IRAK1BP1: variants seen among roughly 807,000 people sequenced by gnomAD.
The protein encoded by IRAK1BP1 is interleukin-1 receptor-associated kinase 1-binding protein 1.
A neutral mutation model predicts 28.0 loss-of-function variants in IRAK1BP1; 24 were observed. The ratio of observed to expected loss-of-function variants is 0.86; its 90% CI spans 0.62 to 1.20. The LOEUF (loss-of-function observed/expected upper bound fraction) is 1.20. Ranked by LOEUF, IRAK1BP1 falls within the 50% of genes most tolerant of loss-of-function variation. The probability of loss-of-function intolerance (pLI) is 0.00; values close to 1 mark genes in which losing one functional copy is unlikely to be tolerated. For synonymous variants in IRAK1BP1, 131 were observed against 116.3 expected (o/e 1.13, Z -0.81); for missense variants, 336 against 316.7 (o/e 1.06, Z -0.46).
chr6:78,955,518 T>C, the IRAK1BP1 span: 1 of 565,880 alleles, frequency 1.8e-6, no homozygotes, highest in South Asian at 2.6e-5. Context: ...AGACAAAAAA[T>C]AATGTTCACA....
At chr6:78,970,982 GC>G in the IRAK1BP1 span, 67 of 748,868 alleles carry the variant, frequency 8.9e-5, no homozygotes, top group Non-Finnish European at 1.3e-4. Context: ...AAAATCTAAT[GC>G]CTTTTCAGCT....
At chr6:78,880,133 G>T (rs936010607) in intron 1 of IRAK1BP1, among the ~76,000 whole-genome samples, 1 of 152,116 alleles carries the variant, frequency 6.6e-6, no homozygotes, top group African/African-American at 2.4e-5. Context: ...AAAAAGAAAA[G>T]GAGAAAATCT....
At chr6:78,967,290 A>G in the IRAK1BP1 span, among the ~76,000 whole-genome samples, 1 of 152,218 alleles carries the variant, frequency 6.6e-6, no homozygotes, top group South Asian at 2.1e-4. Flanking sequence ...ACACTTAACA[A>G]AAAGCTACTA....
the IRAK1BP1 span, among the ~76,000 whole-genome samples, chr6:78,975,024 G>A: frequency 6.6e-6 from 1 of 151,268 alleles, no homozygotes. Flanking sequence ...CTCATTTTAT[G>A]AGGCCAGCAT....
downstream of IRAK1BP1, chr6:78,903,134 G>C (rs1184045042): frequency 1.6e-6 from 2 of 1,221,902 alleles, no homozygotes; most frequent in Non-Finnish European, 2.3e-6. Flanking sequence ...TTATAAGAGT[G>C]AGAAAAAGAA....
At chr6:78,960,450 C>CTTTTT in the IRAK1BP1 span, among the ~76,000 whole-genome samples, 1 of 137,490 alleles carries the variant, frequency 7.3e-6, no homozygotes, top group Non-Finnish European at 1.6e-5. Context: ...TTAGGAATTC[C>CTTTTT]TTTTTTTTTT....
chr6:78,960,491 T>C, the IRAK1BP1 span, among the ~76,000 whole-genome samples: 1 of 151,558 alleles, frequency 6.6e-6, no homozygotes, highest in African/African-American at 2.4e-5. Context: ...ACACCTGATA[T>C]TGAAAAAGAC....
chr6:78,967,319 ATTC>A, the IRAK1BP1 span, among the ~76,000 whole-genome samples: 1 of 152,218 alleles, frequency 6.6e-6, no homozygotes, highest in Non-Finnish European at 1.5e-5. Context: ...AATAAGAAGC[ATTC>A]TTGACACCAC....
At chr6:78,967,729 A>C in the IRAK1BP1 span, among the ~76,000 whole-genome samples, 9 of 152,332 alleles carry the variant, frequency 5.9e-5, no homozygotes, top group African/African-American at 2.2e-4. Context: ...TGATTTGTCC[A>C]ATGTTAGCCA....
chr6:78,917,379 A>T (rs907488354), intron 4 of IRAK1BP1, among the ~76,000 whole-genome samples: 1 of 152,018 alleles, frequency 6.6e-6, no homozygotes, highest in African/African-American at 2.4e-5. Flanking sequence ...AGAAAAAATA[A>T]TTTTTTTAAA....
At chr6:78,945,934 T>G in exon 5 of IRAK1BP1, 1 of 1,146,120 alleles carries the variant, frequency 8.7e-7, no homozygotes, top group East Asian at 2.4e-5. Context: ...TATATTGCAT[T>G]TGGCAAAGTA....
At chr6:78,880,442 AAC>A (rs1315338020) in intron 1 of IRAK1BP1, among the ~76,000 whole-genome samples, 1 of 152,232 alleles carries the variant, frequency 6.6e-6, no homozygotes, top group Non-Finnish European at 1.5e-5. Flanking sequence ...CAGTCCATGA[AAC>A]AAACAAAAAG....
Position 78,921,739 on chromosome 6 carries a change from G to C in IRAK1BP1, c.*67+18629G>C, listed in dbSNP as rs111653980. Among the ~76,000 whole-genome samples, 476 of 152,286 alleles carry C rather than the reference G, an allele frequency of 3.1e-3. 3 individuals are homozygous for C. The highest frequency in any genetic ancestry group is 0.011 in the African/African-American group (442 of 41,562). ...TCTGAGACAAAACTTCCAGAGGAACGATCAGGCAGCAACATTGGCTATTCA... is the reference window on the plus strand; with the variant it reads ...TCTGAGACAAAACTTCCAGAGGAACCATCAGGCAGCAACATTGGCTATTCA... On this transcript the variant is annotated intron_variant and NMD_transcript_variant, in intron 4 of 4. Transcript: ENST00000606868.
chr6:78,972,028 A>G, the IRAK1BP1 span, among the ~76,000 whole-genome samples: 6 of 152,086 alleles, frequency 3.9e-5, no homozygotes, highest in African/African-American at 1.2e-4. Flanking sequence ...AGCCCACCAC[A>G]GCTCAAGGAG....
At chr6:78,955,224 T>C in the IRAK1BP1 span, 1 of 1,593,086 alleles carries the variant, frequency 6.3e-7, no homozygotes, top group East Asian at 2.2e-5. Flanking sequence ...AAACTAAAAC[T>C]ATATTACCTT....
chr6:78,965,689 T>TAAC, the IRAK1BP1 span: 1 of 1,452,378 alleles, frequency 6.9e-7, no homozygotes, highest in Non-Finnish European at 9.6e-7. Context: ...ACAAAAAGCC[T>TAAC]AACACACACT....
the IRAK1BP1 span, chr6:78,957,272 AAC>A: frequency 2.0e-5 from 3 of 152,024 alleles, no homozygotes; most frequent in East Asian, 1.9e-4. Context: ...TCTTTGAAAA[AAC>A]AGATACACAT....
chr6:78,916,544 T>C (rs1772565804), intron 4 of IRAK1BP1, among the ~76,000 whole-genome samples: 1 of 152,182 alleles, frequency 6.6e-6, no homozygotes, highest in South Asian at 2.1e-4. Context: ...TAAACATGTT[T>C]AGACTAAATG....
intron 1 of IRAK1BP1, among the ~76,000 whole-genome samples, chr6:78,879,954 A>C (rs750193881): frequency 6.6e-6 from 1 of 152,248 alleles, no homozygotes; most frequent in Non-Finnish European, 1.5e-5. Context: ...GAAATGGGGA[A>C]GGTATTCCCA....
Sources: gnomAD v4.1 joint callset for allele counts (sites outside exome capture counted in the v4.1 genomes callset) on GRCh38, gnomAD v4.1.1 for gene constraint, MANE v1.5 for transcripts, NCBI Gene and HGNC (gene_info 2026-07-23, HGNC 2026-07-21) for gene names.